The following ENPP2 variants were observed in gnomAD, a reference collection of about 807,000 sequenced individuals.
The protein encoded by ENPP2 is ectonucleotide pyrophosphatase/phosphodiesterase 2, also known as autotaxin.
In ENPP2, 51 loss-of-function variants were observed where a neutral mutation model predicts 120.2. The observed-to-expected ratio is 0.42, with a 90% confidence interval of 0.34 to 0.54. The LOEUF (loss-of-function observed/expected upper bound fraction) is 0.54, where lower values mean the gene tolerates loss of function less well. Among genes scored for constraint, ENPP2 ranks in the 20% least tolerant of loss-of-function variants. The probability of loss-of-function intolerance (pLI) is 0.04; values close to 1 mark genes in which losing one functional copy is unlikely to be tolerated. For synonymous variants in ENPP2, 365 were observed against 366.4 expected, an observed-to-expected ratio of 1.00 and a Z score of 0.04; for missense variants, 920 against 1,066.5, an observed-to-expected ratio of 0.86 and a Z score of 1.91.
chr8:119,564,972 A>G lies in ENPP2; in HGVS notation c.2132-17T>C. The G allele has an allele frequency of 6.2e-7, 1 of 1,607,214 alleles. No individual in the cohort carries two copies. The highest frequency in any genetic ancestry group is 8.5e-7 in the Non-Finnish European group (1 of 1,176,866). On this transcript the variant is annotated splice_polypyrimidine_tract_variant and intron_variant, in intron 22 of 24. Transcript: ENST00000075322. ...TCCAGACCCCTGTGCAAAGACAAAA[A>G]TCCAAAAATCAATTATTCATGAAGA...
chr8:119,568,095 A>G, intron 22 of ENPP2, 80 bp downstream of exon 22: 1 of 776,386 alleles, frequency 1.3e-6, no homozygotes, highest in East Asian at 2.5e-5. Flanking sequence ...TAAAATTAAC[A>G]GAGGTAGAAA....
chr8:119,626,577 A>G lies in ENPP2; in HGVS notation c.280T>C (p.Cys94Arg). 2 of 1,613,996 alleles carry G rather than the reference A, an allele frequency of 1.2e-6. No homozygotes were observed. The highest frequency in any genetic ancestry group is 1.7e-6 in the Non-Finnish European group (2 of 1,179,848). The change falls in exon 3 of 25, where the codon TGT becomes CGT. Residue 94 changes from cysteine to arginine, a missense_variant. Transcript: ENST00000075322. ...TSCCHDFDELCLKTARGWECT... is the reference protein window; with the variant it reads ...TSCCHDFDELRLKTARGWECT... ...ATAAGTTACGTACCTGTCTTCAAAC[A>G]CAGCTCATCAAAGTCATGGCAGCAA...
At chr8:119,601,150 G>A (rs899663254) in intron 10 of ENPP2, among the ~76,000 whole-genome samples, 1 of 152,194 alleles carries the variant, frequency 6.6e-6, no homozygotes, top group African/African-American at 2.4e-5. Context: ...ATTTATCAAA[G>A]CCAGAAACTC....
chr8:119,645,879 A>T (rs927927319), intron 1 of ENPP2, among the ~76,000 whole-genome samples: 15 of 151,642 alleles, frequency 9.9e-5, no homozygotes, highest in African/African-American at 3.4e-4. Context: ...GTCCCCTCTG[A>T]CCACCATTTC....
Position 119,626,689 on chromosome 8 carries a change from G to T in ENPP2, c.168C>A (p.Ser56=), listed in dbSNP as rs148961116. The T allele has an allele frequency of 6.2e-7, 1 of 1,613,964 alleles. No homozygotes were observed. Among genetic ancestry groups the T allele is most frequent in the Admixed American group, 1.7e-5 (1 of 59,998 alleles). The change falls in exon 3 of 25, where the codon TCC becomes TCA. Residue 56 remains serine, a synonymous_variant. Coordinates refer to ENST00000075322, the MANE Select transcript of ENPP2 (RefSeq NM_001040092.3). ...CAAAGCACCTGCCCTTGCAAGATCC[G>T]GAGATGTTGGTCCAGGGGGAGTCTG... ...VLSDSPWTNI[S]GSCKGRCFEL...
At chr8:119,624,633 C>T (rs1816145717) in intron 3 of ENPP2, among the ~76,000 whole-genome samples, 1 of 152,080 alleles carries the variant, frequency 6.6e-6, no homozygotes, top group Non-Finnish European at 1.5e-5. Context: ...TTTAATTACT[C>T]AATGAATTAG....
At chr8:119,673,226 C>T (rs1818305443) in intron 1 of ENPP2, 2 of 1,527,520 alleles carry the variant, frequency 1.3e-6, no homozygotes, top group Non-Finnish European at 8.8e-7. Flanking sequence ...CAATGGAGGA[C>T]GGGTAGAGAG....
chr8:119,626,788 G>A (rs1466066998), intron 2 of ENPP2, 68 bp from the exon 3 acceptor site: 2 of 1,449,040 alleles, frequency 1.4e-6, no homozygotes, highest in Admixed American at 3.4e-5. Flanking sequence ...AGGTGGCACT[G>A]GGAAGCTGTG....
chr8:119,558,420 G>A (rs549728602), intron 24 of ENPP2, among the ~76,000 whole-genome samples: 3 of 151,970 alleles, frequency 2.0e-5, no homozygotes, highest in Non-Finnish European at 4.4e-5. Flanking sequence ...AGGAGAGGAG[G>A]GAAGAAGCGG....
At chr8:119,570,945 T>C (rs2305126) in intron 19 of ENPP2, 104 bp from the exon 20 acceptor site, 158,384 of 647,576 alleles carry the variant, frequency 0.24, 20,456 homozygotes, top group East Asian at 0.34. Flanking sequence ...GCTAGCTTAC[T>C]TATTATTAAT....
At chr8:119,639,001 C>G (rs958949494), upstream of ENPP2, 5 of 155,536 alleles carry the variant, frequency 3.2e-5, no homozygotes, top group African/African-American at 1.2e-4. Flanking sequence ...ATCCCCGCCC[C>G]CTTACAGGTC....
At chr8:119,625,590 C>CA (rs1816213633) in intron 3 of ENPP2, among the ~76,000 whole-genome samples, 1 of 152,010 alleles carries the variant, frequency 6.6e-6, no homozygotes, top group Non-Finnish European at 1.5e-5. Context: ...CATAAAAGTC[C>CA]AAAAACAAGA....
intron 1 of ENPP2, among the ~76,000 whole-genome samples, chr8:119,651,800 G>C (rs990443688): frequency 2.6e-5 from 4 of 152,188 alleles, no homozygotes; most frequent in Admixed American, 6.5e-5. Flanking sequence ...TAAGATCTCA[G>C]AGAGAATGCT....
At position 119,604,175 on chromosome 8, in the gene ENPP2, C is replaced by T. The variant is rs183828350; in HGVS notation, c.834-2713G>A. Among the ~76,000 whole-genome samples, 4 of 152,058 alleles carry T rather than the reference C, an allele frequency of 2.6e-5. No individual in the cohort carries two copies. In the East Asian group the frequency reaches 5.8e-4, roughly 22 times the overall value. On this transcript the variant is annotated intron_variant, in intron 9 of 24. Transcript: ENST00000075322. ...CCCAAGTAGCTGGGATTAAAGGTGC[C>T]TGCCACCACGCCTGGCTAATTTTTG...
intron 1 of ENPP2, among the ~76,000 whole-genome samples, chr8:119,662,172 C>G (rs1459926994): frequency 6.6e-6 from 1 of 151,978 alleles, no homozygotes; most frequent in African/African-American, 2.4e-5. Flanking sequence ...GCTAAGGGAA[C>G]AGATTATAAA....
intron 3 of ENPP2, among the ~76,000 whole-genome samples, chr8:119,625,993 A>C (rs1247099495): frequency 2.0e-5 from 3 of 152,224 alleles, no homozygotes; most frequent in Non-Finnish European, 4.4e-5. Flanking sequence ...ACTAACAGTT[A>C]CTGTACGATA....
chr8:119,567,784 T>A (rs1814599568), intron 22 of ENPP2, among the ~76,000 whole-genome samples: 1 of 152,152 alleles, frequency 6.6e-6, no homozygotes, highest in South Asian at 2.1e-4. Flanking sequence ...CAAAATATAG[T>A]GAAGACCCTT....
At chr8:119,561,656 G>A (rs906222378) in intron 24 of ENPP2, among the ~76,000 whole-genome samples, 2 of 152,124 alleles carry the variant, frequency 1.3e-5, no homozygotes, top group Admixed American at 6.5e-5. Context: ...CATCCTAGCT[G>A]TCTCCCCACA....
chr8:119,617,427 A>G (rs751633625), intron 6 of ENPP2, 39 bp downstream of exon 6: 8 of 1,408,418 alleles, frequency 5.7e-6, no homozygotes. Flanking sequence ...TGGAGATCCT[A>G]GATTACAGAT....
Sources: allele counts gnomAD v4.1 joint callset (sites outside exome capture counted in the v4.1 genomes callset), GRCh38; gene constraint gnomAD v4.1.1; transcripts MANE v1.5; gene names NCBI Gene and HGNC (gene_info 2026-07-23, HGNC 2026-07-21).